Variants in CLASP2 observed in about 807,000 individuals in gnomAD.
CLASP2 encodes the protein cytoplasmic linker associated protein 2, also known as CLIP-associating protein 2.
A neutral mutation model predicts 194.4 loss-of-function variants in CLASP2; 47 were observed. That is an observed-to-expected ratio of 0.24 (90% CI 0.19 to 0.31). CLASP2 has a LOEUF of 0.31. Among genes scored for constraint, CLASP2 ranks in the 10% least tolerant of loss-of-function variants. The pLI is 1.00. For synonymous variants in CLASP2, 619 were observed against 633.5 expected, an observed-to-expected ratio of 0.98 and a Z score of 0.34; for missense variants, 1,445 against 1,823.6, an observed-to-expected ratio of 0.79 and a Z score of 3.78.
chr3:33,576,360 G>A, intron 23 of CLASP2, 85 bp from the exon 24 acceptor site: 2 of 997,300 alleles, frequency 2.0e-6, no homozygotes, highest in South Asian at 3.3e-5. Context: ...ACCTTTACAG[G>A]GGAAGGAAAA....
At chr3:33,529,975 A>G (rs1291281117) in intron 34 of CLASP2, among the ~76,000 whole-genome samples, 1 of 111,220 alleles carries the variant, frequency 9.0e-6, no homozygotes, top group Non-Finnish European at 1.7e-5. Flanking sequence ...ACAGAGCGAG[A>G]CTCCGTCTCA....
Position 33,698,474 on chromosome 3 carries a change from A to T in CLASP2, c.196-1541T>A, listed in dbSNP as rs115833492. Among the ~76,000 whole-genome samples the T allele has an allele frequency of 3.7e-3, 569 of 152,304 alleles. 2 individuals are homozygous for T. The highest frequency in any genetic ancestry group is 0.013 in the African/African-American group (541 of 41,572). The stretch of plus-strand genomic sequence containing the variant: ...TGACGCTGTTTCCCCCAACCAGACC[A>T]GCAAGCATGAAATAAGAAGCAACAG... On this transcript the variant is annotated intron_variant, in intron 1 of 38. Transcript: ENST00000682230.
At chr3:33,647,860 C>G (rs2082533519) in intron 7 of CLASP2, among the ~76,000 whole-genome samples, 1 of 151,942 alleles carries the variant, frequency 6.6e-6, no homozygotes, top group South Asian at 2.1e-4. Context: ...CGGTGAAACC[C>G]ATCTCTACTA....
At chr3:33,523,484 T>C (rs1375795517) in intron 34 of CLASP2, among the ~76,000 whole-genome samples, 2 of 152,174 alleles carry the variant, frequency 1.3e-5, no homozygotes, top group Non-Finnish European at 2.9e-5. Flanking sequence ...TTAGAAACGT[T>C]GGAGGTCAGA....
rs1041757711 is a variant in CLASP2 at position 33,497,405 on chromosome 3, T to C, written c.*1226A>G. 2.0e-5 allele frequency: 3 copies of C among 152,618 alleles called. No individual in the cohort carries two copies. Among genetic ancestry groups the C allele is most frequent in the Non-Finnish European group, 4.4e-5 (3 of 68,026 alleles). 9.5% of individuals were successfully genotyped at this position (152,618 alleles called of 1,614,324 possible). ...AGCCTTTCACCAAAACTGGTAATTT[T>C]TGAGTCGGCTGCACATGAAAAGAAT... On this transcript the variant is annotated 3_prime_UTR_variant, in exon 39 of 39. Transcript: ENST00000682230.
At chr3:33,578,376 ACTTTT>A (rs2065337158) in intron 23 of CLASP2, among the ~76,000 whole-genome samples, 1 of 152,242 alleles carries the variant, frequency 6.6e-6, no homozygotes, top group African/African-American at 2.4e-5. Context: ...CATAAAGTTA[ACTTTT>A]CTTTTACATA....
chr3:33,591,300 A>G (rs1362696820), intron 21 of CLASP2, among the ~76,000 whole-genome samples: 1 of 152,242 alleles, frequency 6.6e-6, no homozygotes, highest in Non-Finnish European at 1.5e-5. Flanking sequence ...AAGAGGAACA[A>G]ATGATTTTAA....
At chr3:33,566,773 GAAAAAAAGA>G (rs1560064373) in intron 26 of CLASP2, 39 bp from the exon 27 acceptor site, 3 of 416,998 alleles carry the variant, frequency 7.2e-6, no homozygotes, top group Admixed American at 2.8e-5. Context: ...CATGCAAAAA[GAAAAAAAGA>G]AAAAAAAGAA....
At chr3:33,499,636 AT>A (rs1341482925) in intron 38 of CLASP2, among the ~76,000 whole-genome samples, 1 of 151,826 alleles carries the variant, frequency 6.6e-6, no homozygotes, top group East Asian at 1.9e-4. Context: ...GTTGTGAGCC[AT>A]CGTACCTGGC....
At chr3:33,647,633 G>A (rs974023948) in intron 7 of CLASP2, among the ~76,000 whole-genome samples, 7 of 152,126 alleles carry the variant, frequency 4.6e-5, no homozygotes, top group African/African-American at 7.2e-5. Context: ...GTAAACAAAC[G>A]AGTGCAGTTG....
At chr3:33,673,622 G>A (rs961502319) in intron 6 of CLASP2, among the ~76,000 whole-genome samples, 12 of 152,094 alleles carry the variant, frequency 7.9e-5, no homozygotes, top group Non-Finnish European at 1.3e-4. Flanking sequence ...TGGACTAAAT[G>A]CTCCAATTAA....
intron 21 of CLASP2, among the ~76,000 whole-genome samples, chr3:33,586,809 A>G (rs1055528613): frequency 1.3e-5 from 2 of 152,100 alleles, no homozygotes; most frequent in East Asian, 3.9e-4. Context: ...GTCTTACCCA[A>G]TCAGGCTTCA....
At chr3:33,578,168 A>T (rs2065288719) in intron 23 of CLASP2, among the ~76,000 whole-genome samples, 1 of 152,192 alleles carries the variant, frequency 6.6e-6, no homozygotes, top group South Asian at 2.1e-4. Flanking sequence ...TGAAAAGTCA[A>T]TACACCTCAT....
In CLASP2 at chr3:33,619,714, G is replaced by A; in HGVS notation, c.1206C>T (p.Asn402=). Residue 402 remains asparagine (N), a synonymous_variant, in exon 12 of 39, where the codon AAC becomes AAT. Coordinates refer to ENST00000682230, the MANE Select transcript of CLASP2 (RefSeq NM_001365631.1). ...TGGCTTCAGCGCCATGATCAAACTT[G>A]TTTCCCAAAACTGTTGAAAGGTGGC... is the stretch of plus-strand genomic sequence containing the variant. ...TVAHLSTVLG[N]KFDHGAEAIV... The A allele has an allele frequency of 1.3e-6, 2 of 1,587,906 alleles. No individual in the cohort carries two copies. Among genetic ancestry groups the A allele is most frequent in the Non-Finnish European group, 1.7e-6 (2 of 1,166,902 alleles).
At chr3:33,652,958 T>C (rs1361634182) in intron 7 of CLASP2, among the ~76,000 whole-genome samples, 3 of 152,234 alleles carry the variant, frequency 2.0e-5, no homozygotes, top group Non-Finnish European at 4.4e-5. Context: ...AGACCAGTAT[T>C]GTCTCTGCCT....
At chr3:33,684,573 C>A in intron 5 of CLASP2, 117 bp from the exon 6 acceptor site, 1 of 544,042 alleles carries the variant, frequency 1.8e-6, no homozygotes, top group Admixed American at 3.4e-5. Flanking sequence ...TTTTAATGCC[C>A]CTGCATATAT....
intron 22 of CLASP2, among the ~76,000 whole-genome samples, chr3:33,583,898 A>G (rs1295232051): frequency 6.6e-6 from 1 of 152,208 alleles, no homozygotes; most frequent in African/African-American, 2.4e-5. Flanking sequence ...ATAAAGCAGA[A>G]AAGAAGGAAG....
intron 34 of CLASP2, among the ~76,000 whole-genome samples, chr3:33,529,574 T>C (rs189456505): frequency 6.6e-6 from 1 of 152,210 alleles, no homozygotes; most frequent in African/African-American, 2.4e-5. Flanking sequence ...TCAAAGTTTT[T>C]AAAAATTTTT....
chr3:33,510,756 T>A lies in CLASP2; in HGVS notation c.4119A>T (p.Arg1373Ser). 1 of 1,606,816 alleles carries A rather than the reference T, an allele frequency of 6.2e-7. No homozygotes were observed. The highest frequency in any genetic ancestry group is 8.5e-7 in the Non-Finnish European group (1 of 1,176,460). The change falls in exon 37 of 39, where the codon AGA (arginine) becomes AGT (serine). Residue 1373 changes from arginine to serine, a missense_variant. Transcript: ENST00000682230. ...AHKDPHKEVVRSAEEAASVLA... is the reference protein window; with the variant it reads ...AHKDPHKEVVSSAEEAASVLA... ...ACACTGATGCCGCTTCCTCAGCAGA[T>A]CTCACCACCTAAAAAAAATAGGAAA... is the stretch of plus-strand genomic sequence containing the variant.
Sources: allele counts gnomAD v4.1 joint callset (sites outside exome capture counted in the v4.1 genomes callset), GRCh38; gene constraint gnomAD v4.1.1; transcripts MANE v1.5; gene names NCBI Gene and HGNC (gene_info 2026-07-23, HGNC 2026-07-21).